The following FAM114A1 variants were observed in gnomAD, a reference collection of about 807,000 sequenced individuals.
The protein encoded by FAM114A1 is family with sequence similarity 114 member A1.
In FAM114A1, 62 loss-of-function variants were observed where a neutral mutation model predicts 64.3. That is an observed-to-expected ratio of 0.96 (90% CI 0.79 to 1.19). The LOEUF is 1.19. Among genes scored for constraint, FAM114A1 ranks in the 50% most tolerant of loss-of-function variants. The pLI, the probability that FAM114A1 is intolerant of heterozygous loss-of-function variation, is 0.00. For synonymous variants in FAM114A1, 254 were observed against 251.1 expected (o/e 1.01, Z -0.11); for missense variants, 645 against 676.3 (o/e 0.95, Z 0.51).
intron 4 of FAM114A1, 151 bp from the exon 5 acceptor site, chr4:38,905,371 C>G (rs976351292): frequency 2.5e-4 from 140 of 565,906 alleles, no homozygotes; most frequent in Admixed American, 9.7e-5. Context: ...TGCACTCCAG[C>G]CTGGGTGACA....
At chr4:38,916,357 A>T (rs767665775) in intron 8 of FAM114A1, among the ~76,000 whole-genome samples, 1 of 152,222 alleles carries the variant, frequency 6.6e-6, no homozygotes, top group Non-Finnish European at 1.5e-5. Context: ...GGATTTATTT[A>T]GCTCATTAAT....
intron 12 of FAM114A1, among the ~76,000 whole-genome samples, chr4:38,934,625 AC>A (rs1000867353): frequency 1.3e-5 from 2 of 152,174 alleles, no homozygotes; most frequent in Non-Finnish European, 2.9e-5. Flanking sequence ...TACCTACATT[AC>A]TAGGTAATCA....
At chr4:38,931,419 T>G (rs557824139) in intron 10 of FAM114A1, 32 bp from the exon 11 acceptor site, 1 of 1,574,860 alleles carries the variant, frequency 6.3e-7, no homozygotes, top group African/African-American at 1.4e-5. Flanking sequence ...ATTTGCGCCA[T>G]AAAAGGATTG....
chr4:38,883,754 C>G (rs761916984), intron 3 of FAM114A1, among the ~76,000 whole-genome samples: 6 of 152,204 alleles, frequency 3.9e-5, no homozygotes, highest in Non-Finnish European at 8.8e-5. Context: ...TTCTCCGGTT[C>G]TGTTTGAGTA....
At chr4:38,930,877 A>G (rs1424500479) in intron 10 of FAM114A1, among the ~76,000 whole-genome samples, 3 of 152,210 alleles carry the variant, frequency 2.0e-5, no homozygotes, top group Non-Finnish European at 2.9e-5. Flanking sequence ...AACTAGACAC[A>G]GAGCAGCACC....
intron 13 of FAM114A1, among the ~76,000 whole-genome samples, chr4:38,937,325 C>T (rs971236448): frequency 6.6e-6 from 1 of 152,188 alleles, no homozygotes; most frequent in Admixed American, 6.5e-5. Flanking sequence ...CTTCTTCCAG[C>T]TTCTGGTAGC....
intron 8 of FAM114A1, among the ~76,000 whole-genome samples, chr4:38,916,891 A>G (rs1719098983): frequency 6.6e-6 from 1 of 152,190 alleles, no homozygotes; most frequent in African/African-American, 2.4e-5. Flanking sequence ...CACAGAATTC[A>G]TTCACATGAC....
chr4:38,872,187 G>A (rs56347742), intron 2 of FAM114A1, among the ~76,000 whole-genome samples: 2 of 152,126 alleles, frequency 1.3e-5, no homozygotes, highest in Non-Finnish European at 2.9e-5. Flanking sequence ...ACCTCATTAC[G>A]GATTTTTAAG....
chr4:38,933,291 G>T (rs909959715), intron 12 of FAM114A1, among the ~76,000 whole-genome samples: 2 of 152,196 alleles, frequency 1.3e-5, no homozygotes, highest in Non-Finnish European at 2.9e-5. Flanking sequence ...TTATTTAATA[G>T]ATCAAAGTCT....
chr4:38,917,355 G>T (rs1269583439), intron 8 of FAM114A1, among the ~76,000 whole-genome samples: 5 of 151,262 alleles, frequency 3.3e-5, no homozygotes, highest in Non-Finnish European at 7.4e-5. Flanking sequence ...AAAAGGCAAG[G>T]TCTGGAGTCA....
intron 7 of FAM114A1, among the ~76,000 whole-genome samples, chr4:38,913,306 A>T (rs1718735754): frequency 6.6e-6 from 1 of 152,270 alleles, no homozygotes; most frequent in African/African-American, 2.4e-5. Context: ...CCAACAAAAA[A>T]TAACTGGAGA....
rs143153912 is a variant in FAM114A1 at position 38,889,864 on chromosome 4, A to T, written c.349-1879A>T. 1.3e-3 allele frequency among the ~76,000 whole-genome samples: 203 copies of T among 152,238 alleles called. 1 individual carries two copies. Among genetic ancestry groups the T allele is most frequent in the Non-Finnish European group, 2.6e-3 (177 of 68,014 alleles). ...AAAGAATGGAGATAGGCAGCTACTT[A>T]TGTTGGTTTAGTAGCTCAGCGGAGC... On this transcript the variant is annotated intron_variant, in intron 3 of 14. Coordinates refer to ENST00000358869, the MANE Select transcript of FAM114A1 (RefSeq NM_138389.4).
At chr4:38,903,302 G>A (rs1385203664) in intron 4 of FAM114A1, among the ~76,000 whole-genome samples, 1 of 152,152 alleles carries the variant, frequency 6.6e-6, no homozygotes, top group Non-Finnish European at 1.5e-5. Flanking sequence ...TCCTGCAAAA[G>A]GAACCAGACA....
intron 8 of FAM114A1, among the ~76,000 whole-genome samples, chr4:38,918,143 G>A (rs113990732): frequency 5.9e-4 from 90 of 152,234 alleles, no homozygotes; most frequent in African/African-American, 2.1e-3. Context: ...AGAAACACTT[G>A]AACCCAGGAT....
intron 7 of FAM114A1, among the ~76,000 whole-genome samples, chr4:38,912,993 C>G (rs1466298734): frequency 6.6e-6 from 1 of 152,200 alleles, no homozygotes; most frequent in African/African-American, 2.4e-5. Context: ...AGAGAGAATT[C>G]TCTTTGCGGC....
intron 4 of FAM114A1, among the ~76,000 whole-genome samples, chr4:38,898,167 C>T (rs1717132246): frequency 6.6e-6 from 1 of 152,174 alleles, no homozygotes; most frequent in Non-Finnish European, 1.5e-5. Flanking sequence ...CCACCAAAGG[C>T]TTAAATGTTT....
intron 6 of FAM114A1, among the ~76,000 whole-genome samples, chr4:38,907,267 G>T (rs996994721): frequency 5.3e-5 from 8 of 152,162 alleles, no homozygotes; most frequent in African/African-American, 1.9e-4. Flanking sequence ...GATGGGAGAT[G>T]GATGGAGCTC....
intron 3 of FAM114A1, among the ~76,000 whole-genome samples, chr4:38,878,847 A>G (rs760271680): frequency 1.1e-4 from 17 of 152,210 alleles, no homozygotes; most frequent in Non-Finnish European, 8.8e-5. Flanking sequence ...GACTCCAGAT[A>G]ATTAACAAGC....
At chr4:38,924,965 T>C (rs1231706340) in intron 9 of FAM114A1, among the ~76,000 whole-genome samples, 1 of 152,238 alleles carries the variant, frequency 6.6e-6, no homozygotes, top group Admixed American at 6.5e-5. Context: ...TTGTTGCCAA[T>C]GCAACTAAAG....
Sources: allele counts gnomAD v4.1 joint callset (sites outside exome capture counted in the v4.1 genomes callset), GRCh38; gene constraint gnomAD v4.1.1; transcripts MANE v1.5; gene names NCBI Gene and HGNC (gene_info 2026-07-23, HGNC 2026-07-21).